RPL10L: variants seen among roughly 807,000 people sequenced by gnomAD.
The protein encoded by RPL10L is ribosomal protein uL16-like.
A neutral mutation model predicts 10.2 loss-of-function variants in RPL10L; 11 were observed. That is an observed-to-expected ratio of 1.08 (90% CI 0.68 to 1.79). The LOEUF (loss-of-function observed/expected upper bound fraction) is 1.79. RPL10L is among the 40% of genes most tolerant of loss of function. The pLI is 0.00. For missense variants in RPL10L, 320 were observed against 289.8 expected (o/e 1.10, Z -0.76); for synonymous variants, 120 against 101.7 (o/e 1.18, Z -1.08).
chr14:46,651,518 G>T lies in RPL10L; in HGVS notation c.219C>A (p.Asn73Lys), dbSNP rs1376910809. 6.2e-7 allele frequency: 1 copy of T among 1,614,176 alleles called. No homozygotes were observed. Among genetic ancestry groups the T allele is most frequent in the Non-Finnish European group, 8.5e-7 (1 of 1,180,040 alleles). ...TGCCACAACTTTTCACCATGTATTT[G>T]TTGGCACAAATACGGGCGGCCTCCA... ...EALEAARICA[N>K]KYMVKSCGRD... Residue 73 changes from asparagine (N) to lysine (K), a missense_variant, in exon 1 of 1, where the codon AAC becomes AAA. Physicochemically the swap from Asn to Lys is moderately conservative, Grantham distance 94 (BLOSUM62 0). Transcript: ENST00000298283.
In RPL10L at chr14:46,651,700, T is replaced by G. The variant is rs762804080; in HGVS notation, c.37A>C (p.Lys13Gln). The G allele has an allele frequency of 9.3e-6, 15 of 1,614,222 alleles. No homozygotes were observed. Among genetic ancestry groups the G allele is most frequent in the Non-Finnish European group, 1.2e-5 (14 of 1,180,036 alleles). The change falls in exon 1 of 1, where the codon AAG becomes CAG. Residue 13 changes from lysine to glutamine, a missense_variant. Lys to Gln is a moderately conservative substitution (Grantham distance 53). Coordinates refer to ENST00000298283, the MANE Select transcript of RPL10L (RefSeq NM_080746.3). ...CGAGATTTTGGGTACGGCTTGTTCT[T>G]ACAATACCGGTAACAGCGAGCTGGA... The part of the protein sequence containing the change: ...RRPARCYRYC[K>Q]NKPYPKSRFC...
rs1423861302 is a variant in RPL10L, at chr14:46,651,626, A to G, written c.111T>C (p.Gly37=). 6.2e-7 allele frequency: 1 copy of G among 1,614,126 alleles called. No individual in the cohort carries two copies. The highest frequency in any genetic ancestry group is 1.1e-5 in the South Asian group (1 of 91,074). The stretch of plus-strand genomic sequence containing the variant: ...ACTCATCCACTTTTGCCTTCTTTCT[A>G]CCCAGGTCAAAGATGCGGATCTTGG... The part of the protein sequence containing the change: ...PDAKIRIFDL[G]RKKAKVDEFP... Residue 37 remains glycine, a synonymous_variant, in exon 1 of 1, where the codon GGT becomes GGC. Transcript: ENST00000298283.
rs1425765843 is a variant in RPL10L at position 46,651,030 on chromosome 14, G to T, written c.*62C>A. 2 of 1,501,210 alleles carry T rather than the reference G, an allele frequency of 1.3e-6. No individual in the cohort carries two copies. The highest frequency in any genetic ancestry group is 1.8e-6 in the Non-Finnish European group (2 of 1,118,884). The allele number at this position is 1,501,210 out of a possible 1,614,324, so 93.0% of individuals were successfully genotyped here. A position where few individuals can be genotyped will look rare whatever the true frequency, so the allele number is the denominator to read the frequency against. On this transcript the variant is annotated 3_prime_UTR_variant, in exon 1 of 1. Coordinates refer to ENST00000298283, the MANE Select transcript of RPL10L (RefSeq NM_080746.3). Reference sequence around the variant, plus strand: ...AGGAGTTATTTTTTGCCAGTAAACAGAATTTATTAGTAAGCATAAGTCAGA... The same window carrying T: ...AGGAGTTATTTTTTGCCAGTAAACATAATTTATTAGTAAGCATAAGTCAGA...
chr14:46,651,123 G>C lies in RPL10L; in HGVS notation c.614C>G (p.Pro205Arg), dbSNP rs768974320. 3.7e-6 allele frequency: 6 copies of C among 1,614,094 alleles called. No individual in the cohort carries two copies. The Admixed American group carries it at 8.3e-5, about 22-fold the overall frequency. The change falls in exon 1 of 1, where the codon CCC (proline) becomes CGC (arginine). Residue 205 changes from proline to arginine, a missense_variant. By Grantham distance (103) the Pro-to-Arg change is moderately radical (BLOSUM62 -2). Transcript: ENST00000298283. ...CGVKYVPSHG[P>R]LDKWRVLHS ...GTGCAGAACCCGCCACTTGTCCAAG[G>C]GGCCATGACTGGGAACGTACTTGAC...
In RPL10L at chr14:46,651,124, G is replaced by C; in HGVS notation, c.613C>G (p.Pro205Ala). ...TGCAGAACCCGCCACTTGTCCAAGG[G>C]GCCATGACTGGGAACGTACTTGACT... ...CGVKYVPSHG[P>A]LDKWRVLHS Residue 205 changes from proline to alanine, a missense_variant, in exon 1 of 1, where the codon CCC (proline) becomes GCC (alanine). Coordinates refer to ENST00000298283, the MANE Select transcript of RPL10L (RefSeq NM_080746.3). The C allele has an allele frequency of 1.2e-6, 2 of 1,614,114 alleles. No homozygotes were observed. Among genetic ancestry groups the C allele is most frequent in the Non-Finnish European group, 8.5e-7 (1 of 1,180,012 alleles).
rs1883900339 is a variant in RPL10L, at chr14:46,651,713, A to C, written c.24T>G (p.Cys8Trp). MGRRPAR[C>W]YRYCKNKPYP... ...ACGGCTTGTTCTTACAATACCGGTA[A>C]CAGCGAGCTGGACGGCGCCCCATGG... The change falls in exon 1 of 1, where the codon TGT becomes TGG. Residue 8 changes from cysteine (C) to tryptophan (W), a missense_variant. Transcript: ENST00000298283. The C allele has an allele frequency of 6.2e-7, 1 of 1,614,104 alleles. No individual in the cohort carries two copies.
In RPL10L at chr14:46,651,618, T is replaced by C; in HGVS notation, c.119A>G (p.Lys40Arg). The stretch of plus-strand genomic sequence containing the variant: ...GAGTGGGAACTCATCCACTTTTGCC[T>C]TCTTTCTACCCAGGTCAAAGATGCG... ...KIRIFDLGRKKAKVDEFPLGG... is the reference protein window; with the variant it reads ...KIRIFDLGRKRAKVDEFPLGG... Residue 40 changes from lysine to arginine, a missense_variant, in exon 1 of 1, where the codon AAG becomes AGG. Physicochemically the swap from Lys to Arg is conservative, Grantham distance 26 (BLOSUM62 2). Transcript: ENST00000298283. 2 of 1,614,196 alleles carry C rather than the reference T, an allele frequency of 1.2e-6. No homozygotes were observed. The highest frequency in any genetic ancestry group is 1.7e-6 in the Non-Finnish European group (2 of 1,180,024).
rs749331165 is a variant in RPL10L at position 46,651,761 on chromosome 14, C to G, written c.-25G>C. The G allele has an allele frequency of 3.1e-6, 5 of 1,613,516 alleles. No homozygotes were observed. Among genetic ancestry groups the G allele is most frequent in the Non-Finnish European group, 4.2e-6 (5 of 1,179,702 alleles). Reference sequence around the variant, plus strand: ...TGGCGACACAGTAACGTCGGCGGTGCCTCGAAGTCAAAATGCGCTCTCTTA... The same window carrying G: ...TGGCGACACAGTAACGTCGGCGGTGGCTCGAAGTCAAAATGCGCTCTCTTA... On this transcript the variant is annotated 5_prime_UTR_variant, in exon 1 of 1. Transcript: ENST00000298283.
chr14:46,651,248 C>T lies in RPL10L; in HGVS notation c.489G>A (p.Gln163=), dbSNP rs974395963. Residue 163 remains glutamine (Q), a synonymous_variant, in exon 1 of 1, where the codon CAG becomes CAA. Transcript: ENST00000298283. Reference sequence around the variant, plus strand: ...CCCACTTCTTGGAGATATGAATCTTCTGGCGTCCAGGGAACTTGAACTTGG... The same window carrying T: ...CCCACTTCTTGGAGATATGAATCTTTTGGCGTCCAGGGAACTTGAACTTGG... ...RRAKFKFPGR[Q]KIHISKKWGF... 6.2e-7 allele frequency: 1 copy of T among 1,614,082 alleles called. No homozygotes were observed. Among genetic ancestry groups the T allele is most frequent in the Admixed American group, 1.7e-5 (1 of 60,008 alleles).
In RPL10L at chr14:46,651,310, G is replaced by C. The variant is rs200946521; in HGVS notation, c.427C>G (p.Gln143Glu). ...QVIMSIRTKL[Q>E]NEEHVIEALR... ...GCTTCAATCACATGCTCCTCGTTCT[G>C]AAGCTTGGTGCGGATGGACATGATG... The change falls in exon 1 of 1, where the codon CAG (glutamine) becomes GAG (glutamate). Residue 143 changes from glutamine (Q) to glutamate (E), a missense_variant. Gln to Glu is a conservative substitution (Grantham distance 29). Coordinates refer to ENST00000298283, the MANE Select transcript of RPL10L (RefSeq NM_080746.3). The C allele has an allele frequency of 3.1e-6, 5 of 1,614,024 alleles. No homozygotes were observed. The highest frequency in any genetic ancestry group is 1.3e-5 in the African/African-American group (1 of 74,922).
rs769677778 is a variant in RPL10L, at chr14:46,651,423, C to A, written c.314G>T (p.Cys105Phe). 27 of 1,614,172 alleles carry A rather than the reference C, an allele frequency of 1.7e-5. No individual in the cohort carries two copies. Among genetic ancestry groups the A allele is most frequent in the Non-Finnish European group, 2.3e-5 (27 of 1,180,042 alleles). Residue 105 changes from cysteine (C) to phenylalanine (F), a missense_variant, in exon 1 of 1, where the codon TGT (cysteine) becomes TTT (phenylalanine). Transcript: ENST00000298283. The part of the protein sequence containing the change: ...HVIRINKMLS[C>F]AGADRLQTGM... ...TGTCTGGAGCCTGTCAGCCCCAGCA[C>A]AGGACAACATCTTGTTGATGCGGAT...
rs369416807 is a variant in RPL10L, at chr14:46,651,351, A to G, written c.386T>C (p.Val129Ala). 6.4e-5 allele frequency: 104 copies of G among 1,613,900 alleles called. No individual in the cohort carries two copies. The highest frequency in any genetic ancestry group is 7.3e-5 in the Non-Finnish European group (86 of 1,180,040). The change falls in exon 1 of 1, where the codon GTC becomes GCC. Residue 129 changes from valine (V) to alanine (A), a missense_variant. Coordinates refer to ENST00000298283, the MANE Select transcript of RPL10L (RefSeq NM_080746.3). The stretch of plus-strand genomic sequence containing the variant: ...GGACATGATGACTTGACCAATGTGG[A>G]CCCGGGCTACAGTACCCTGGGGTTT... Reference protein sequence around the residue: ...FGKPQGTVARVHIGQVIMSIR... With the variant: ...FGKPQGTVARAHIGQVIMSIR...
In RPL10L at chr14:46,651,505, T is replaced by C; in HGVS notation, c.232A>G (p.Lys78Glu). The C allele has an allele frequency of 1.2e-6, 2 of 1,614,178 alleles. No homozygotes were observed. Among genetic ancestry groups the C allele is most frequent in the Non-Finnish European group, 1.7e-6 (2 of 1,180,036 alleles). ...ARICANKYMV[K>E]SCGRDGFHMR... is the part of the protein sequence containing the mutation. Reference sequence around the variant, plus strand: ...TGAAAGCCATCTCTGCCACAACTTTTCACCATGTATTTGTTGGCACAAATA... The same window carrying C: ...TGAAAGCCATCTCTGCCACAACTTTCCACCATGTATTTGTTGGCACAAATA... Residue 78 changes from lysine (K) to glutamate (E), a missense_variant, in exon 1 of 1, where the codon AAA (lysine) becomes GAA (glutamate). Coordinates refer to ENST00000298283, the MANE Select transcript of RPL10L (RefSeq NM_080746.3).
Position 46,651,092 on chromosome 14 carries a change from T to G in RPL10L, c.645A>C (p.Ter215CysextTer?). Residue 215 changes from the stop codon to cysteine (C), a stop_lost, in exon 1 of 1, where the codon TGA becomes TGC. Coordinates refer to ENST00000298283, the MANE Select transcript of RPL10L (RefSeq NM_080746.3). Reference sequence around the variant, plus strand: ...CAAGGAGACAGTACTGCCAAAACCTTCATGAGTGCAGAACCCGCCACTTGT... The same window carrying G: ...CAAGGAGACAGTACTGCCAAAACCTGCATGAGTGCAGAACCCGCCACTTGT... ...PLDKWRVLHS* is the reference protein window; with the variant it reads ...PLDKWRVLHSC 1 of 1,612,684 alleles carries G rather than the reference T, an allele frequency of 6.2e-7. No homozygotes were observed. The highest frequency in any genetic ancestry group is 8.5e-7 in the Non-Finnish European group (1 of 1,179,112).
rs1883865706 is a variant in RPL10L at position 46,651,202 on chromosome 14, C to A, written c.535G>T (p.Asp179Tyr). ...KKWGFTKFNA[D>Y]EFEDMVAKKC... Reference sequence around the variant, plus strand: ...TTGGCCACCATGTCTTCAAATTCGTCAGCATTAAACTTCGTGAAGCCCCAC... The same window carrying A: ...TTGGCCACCATGTCTTCAAATTCGTAAGCATTAAACTTCGTGAAGCCCCAC... The change falls in exon 1 of 1, where the codon GAC becomes TAC. Residue 179 changes from aspartate (D) to tyrosine (Y), a missense_variant. Asp to Tyr is a radical substitution (Grantham distance 160, BLOSUM62 -3). Transcript: ENST00000298283. The A allele has an allele frequency of 6.2e-7, 1 of 1,614,054 alleles. No individual in the cohort carries two copies. Among genetic ancestry groups the A allele is most frequent in the Admixed American group, 1.7e-5 (1 of 60,006 alleles).
rs1883867128 is a variant in RPL10L, at chr14:46,651,237, A to G, written c.500T>C (p.Ile167Thr). The G allele has an allele frequency of 6.2e-7, 1 of 1,614,120 alleles. No individual in the cohort carries two copies. Among genetic ancestry groups the G allele is most frequent in the Non-Finnish European group, 8.5e-7 (1 of 1,180,008 alleles). ...CTTCGTGAAGCCCCACTTCTTGGAG[A>G]TATGAATCTTCTGGCGTCCAGGGAA... The part of the protein sequence containing the change: ...FKFPGRQKIH[I>T]SKKWGFTKFN... The change falls in exon 1 of 1, where the codon ATC becomes ACC. Residue 167 changes from isoleucine (I) to threonine (T), a missense_variant. Transcript: ENST00000298283.
chr14:46,651,094 A>G lies in RPL10L; in HGVS notation c.643T>C (p.Ter215ArgextTer?). ...AGGAGACAGTACTGCCAAAACCTTC[A>G]TGAGTGCAGAACCCGCCACTTGTCC... is the stretch of plus-strand genomic sequence containing the variant. ...PLDKWRVLHS[*>R] Residue 215 changes from the stop codon to arginine, a stop_lost, in exon 1 of 1, where the codon TGA becomes CGA. Transcript: ENST00000298283. 1 of 1,613,014 alleles carries G rather than the reference A, an allele frequency of 6.2e-7. No homozygotes were observed. Among genetic ancestry groups the G allele is most frequent in the Non-Finnish European group, 8.5e-7 (1 of 1,179,244 alleles).
At position 46,651,108 on chromosome 14, in the gene RPL10L, C is replaced by T. The variant is rs1347068452; in HGVS notation, c.629G>A (p.Arg210Gln). 14 of 1,613,736 alleles carry T rather than the reference C, an allele frequency of 8.7e-6. No homozygotes were observed. Among genetic ancestry groups the T allele is most frequent in the African/African-American group, 2.7e-5 (2 of 74,884 alleles). ...CCAAAACCTTCATGAGTGCAGAACC[C>T]GCCACTTGTCCAAGGGGCCATGACT... is the stretch of plus-strand genomic sequence containing the variant. ...VPSHGPLDKW[R>Q]VLHS The change falls in exon 1 of 1, where the codon CGG (arginine) becomes CAG (glutamine). Residue 210 changes from arginine (R) to glutamine (Q), a missense_variant. Arg to Gln is a conservative substitution (Grantham distance 43). Transcript: ENST00000298283.
In RPL10L at chr14:46,651,057, C is replaced by A; in HGVS notation, c.*35G>T. 1 of 1,586,226 alleles carries A rather than the reference C, an allele frequency of 6.3e-7. No individual in the cohort carries two copies. The highest frequency in any genetic ancestry group is 8.6e-7 in the Non-Finnish European group (1 of 1,166,092). On this transcript the variant is annotated 3_prime_UTR_variant, in exon 1 of 1. Transcript: ENST00000298283. ...ATTTATTAGTAAGCATAAGTCAGACCAGCATGGCCCAAGGAGACAGTACTG... is the reference window on the plus strand; with the variant it reads ...ATTTATTAGTAAGCATAAGTCAGACAAGCATGGCCCAAGGAGACAGTACTG...
Sources: gnomAD v4.1 joint callset for allele counts on GRCh38, gnomAD v4.1.1 for gene constraint, MANE v1.5 for transcripts, NCBI Gene and HGNC (gene_info 2026-07-23, HGNC 2026-07-21) for gene names.